Variants in UNC13C observed in about 807,000 individuals in gnomAD.
The protein encoded by UNC13C is protein unc-13 homolog C.
UNC13C carries 174 observed loss-of-function variants against 245.4 expected under a neutral mutation model. The observed-to-expected ratio is 0.71, with a 90% CI of 0.63 to 0.80. The LOEUF (loss-of-function observed/expected upper bound fraction) is 0.80, where lower values mean the gene tolerates loss of function less well. UNC13C is among the 30% of genes least tolerant of loss of function. The pLI is 0.00. For missense variants in UNC13C, 2,829 were observed against 2,602.9 expected, an observed-to-expected ratio of 1.09 and a Z score of -1.89; for synonymous variants, 992 against 895.1, an observed-to-expected ratio of 1.11 and a Z score of -1.93.
Position 54,393,049 on chromosome 15 carries a change from G to A in UNC13C, c.4715G>A (p.Ser1572Asn). The change falls in exon 18 of 33, where the codon AGT (serine) becomes AAT (asparagine). Residue 1572 changes from serine (S) to asparagine (N), a missense_variant and splice_region_variant. Transcript: ENST00000260323. ...HELYSQLTDP[S>N]KKQDIPREDQ... The stretch of plus-strand genomic sequence containing the variant: ...CATGTTGCGTGAACTTGTGAGCAGA[G>A]TAAGAAACAGGATATTCCTCGTGAA... 1 of 1,598,878 alleles carries A rather than the reference G, an allele frequency of 6.3e-7. No individual in the cohort carries two copies. Among genetic ancestry groups the A allele is most frequent in the Non-Finnish European group, 8.5e-7 (1 of 1,174,438 alleles).
At chr15:53,969,529 T>G in the UNC13C span, among the ~76,000 whole-genome samples, 1 of 151,688 alleles carries the variant, frequency 6.6e-6, no homozygotes, top group Non-Finnish European at 1.5e-5. Context: ...TAAAAAATTT[T>G]TAAAAAAATA....
chr15:54,244,015 C>A (rs536859851), intron 7 of UNC13C, among the ~76,000 whole-genome samples: 12 of 152,204 alleles, frequency 7.9e-5, no homozygotes, highest in Admixed American at 7.2e-4. Context: ...GCTTTTGTTG[C>A]AATTGCTTTT....
intron 17 of UNC13C, among the ~76,000 whole-genome samples, chr15:54,372,557 A>G (rs1401145237): frequency 6.6e-6 from 1 of 152,210 alleles, no homozygotes; most frequent in East Asian, 1.9e-4. Context: ...GTTCTACTAC[A>G]TGTAAATATT....
At chr15:54,395,871 T>C (rs1223249954) in intron 18 of UNC13C, among the ~76,000 whole-genome samples, 1 of 151,782 alleles carries the variant, frequency 6.6e-6, no homozygotes, top group Admixed American at 6.6e-5. Flanking sequence ...TAAAGTAAAT[T>C]TATACATGTA....
At chr15:53,860,461 A>G in the UNC13C span, among the ~76,000 whole-genome samples, 42,422 of 152,004 alleles carry the variant, frequency 0.28, 7,147 homozygotes, top group Non-Finnish European at 0.36. Context: ...TGCAACCCCT[A>G]TTTAGATGCT....
intron 1 of UNC13C, among the ~76,000 whole-genome samples, chr15:53,999,270 T>C (rs1324582116): frequency 6.6e-6 from 1 of 151,734 alleles, no homozygotes; most frequent in Non-Finnish European, 1.5e-5. Context: ...ATGTAAGATA[T>C]CTATATATAT....
At chr15:54,354,920 A>T (rs562328040) in intron 17 of UNC13C, among the ~76,000 whole-genome samples, 1 of 152,316 alleles carries the variant, frequency 6.6e-6, no homozygotes, top group East Asian at 1.9e-4. Context: ...TGATTGGGCC[A>T]CAAGGGCTCT....
chr15:54,172,819 T>G (rs574922047), intron 4 of UNC13C, among the ~76,000 whole-genome samples: 125 of 146,236 alleles, frequency 8.5e-4, no homozygotes, highest in African/African-American at 3.0e-3. Flanking sequence ...ACCCCATGGT[T>G]GTGAAGGTTT....
At chr15:54,114,543 A>G (rs1231959360) in intron 2 of UNC13C, among the ~76,000 whole-genome samples, 1 of 152,156 alleles carries the variant, frequency 6.6e-6, no homozygotes, top group Non-Finnish European at 1.5e-5. Flanking sequence ...TAATTCATTC[A>G]TTTTAACATA....
intron 2 of UNC13C, among the ~76,000 whole-genome samples, chr15:54,087,556 G>T (rs530348702): frequency 7.8e-4 from 119 of 152,208 alleles, no homozygotes; most frequent in African/African-American, 2.8e-3. Flanking sequence ...CATATGCATT[G>T]CCAAAGATTC....
At chr15:54,615,683 G>A (rs1036017364) in intron 30 of UNC13C, among the ~76,000 whole-genome samples, 1 of 152,040 alleles carries the variant, frequency 6.6e-6, no homozygotes, top group African/African-American at 2.4e-5. Context: ...TCAGGCATTA[G>A]TTGGGGTTGA....
At chr15:53,929,301 G>A in the UNC13C span, among the ~76,000 whole-genome samples, 1 of 152,140 alleles carries the variant, frequency 6.6e-6, no homozygotes, top group Non-Finnish European at 1.5e-5. Flanking sequence ...CATGACATGT[G>A]AGAAATATGG....
intron 10 of UNC13C, among the ~76,000 whole-genome samples, chr15:54,275,936 T>C (rs936261691): frequency 6.6e-6 from 1 of 152,040 alleles, no homozygotes; most frequent in Non-Finnish European, 1.5e-5. Flanking sequence ...GAAATACTAG[T>C]TAATAGTGAA....
At position 54,546,752 on chromosome 15, in the gene UNC13C, A is replaced by T. The variant is rs767039159; in HGVS notation, c.5727A>T (p.Lys1909Asn). Residue 1909 changes from lysine (K) to asparagine (N), a missense_variant, in exon 27 of 33, where the codon AAA (lysine) becomes AAT (asparagine). Coordinates refer to ENST00000260323, the MANE Select transcript of UNC13C (RefSeq NM_001080534.3). ...GTCTCTCAGCAAAAATCTGTGAGAA[A>T]ACAGTCCTAAAGCGAGTTTTAAAAG... ...TLSLSAKICE[K>N]TVLKRVLKEL... The T allele has an allele frequency of 9.8e-6, 15 of 1,526,484 alleles. No individual in the cohort carries two copies. The Admixed American group carries it at 2.6e-4, about 26-fold the overall frequency. The allele number at this position is 1,526,484 out of a possible 1,614,324, so 94.6% of individuals were successfully genotyped here. A position where few individuals can be genotyped will look rare whatever the true frequency, so the allele number is the denominator to read the frequency against.
Position 54,015,506 on chromosome 15 carries a change from C to T in UNC13C, c.2603C>T (p.Thr868Ile). 2 of 1,612,780 alleles carry T rather than the reference C, an allele frequency of 1.2e-6. No homozygotes were observed. The highest frequency in any genetic ancestry group is 1.1e-5 in the South Asian group (1 of 91,016). ...YYKAEDEEDY[T>I]EPVADNETDY... ...AAAGCAGAGGATGAGGAAGATTATA[C>T]TGAACCAGTGGCTGACAATGAAACA... The change falls in exon 2 of 33, where the codon ACT becomes ATT. Residue 868 changes from threonine (T) to isoleucine (I), a missense_variant. Thr to Ile is a moderately conservative substitution (Grantham distance 89). Coordinates refer to ENST00000260323, the MANE Select transcript of UNC13C (RefSeq NM_001080534.3).
the UNC13C span, among the ~76,000 whole-genome samples, chr15:53,950,033 C>A: frequency 6.6e-6 from 1 of 152,100 alleles, no homozygotes; most frequent in East Asian, 1.9e-4. Flanking sequence ...AGAAATATAT[C>A]TAGACAAACA....
intron 1 of UNC13C, among the ~76,000 whole-genome samples, chr15:54,006,881 G>A (rs1237104521): frequency 6.6e-6 from 1 of 152,060 alleles, no homozygotes; most frequent in Admixed American, 6.6e-5. Flanking sequence ...AAGTTACTTG[G>A]TCGGTGTGCT....
At chr15:54,376,774 T>C (rs2039616749) in intron 17 of UNC13C, among the ~76,000 whole-genome samples, 1 of 152,190 alleles carries the variant, frequency 6.6e-6, no homozygotes, top group Admixed American at 6.5e-5. Context: ...ACATGAAACA[T>C]ATTTGAGAAT....
At chr15:54,252,070 T>C (rs746488209) in intron 8 of UNC13C, among the ~76,000 whole-genome samples, 27 of 152,204 alleles carry the variant, frequency 1.8e-4, no homozygotes, top group Non-Finnish European at 3.2e-4. Flanking sequence ...CATAATCTGA[T>C]TAAAATTCAG....
Sources: allele counts gnomAD v4.1 joint callset (sites outside exome capture counted in the v4.1 genomes callset), GRCh38; gene constraint gnomAD v4.1.1; transcripts MANE v1.5; gene names NCBI Gene and HGNC (gene_info 2026-07-23, HGNC 2026-07-21).